Variants in ANKRD11 observed in about 807,000 individuals in gnomAD.
ANKRD11 encodes ankyrin repeat domain-containing protein 11.
ANKRD11 carries 17 observed loss-of-function variants against 195.7 expected under a neutral mutation model. The ratio of observed to expected loss-of-function variants is 0.09; its 90% CI spans 0.06 to 0.13. The LOEUF is 0.13. ANKRD11 is among the 10% of genes least tolerant of loss of function. The probability of loss-of-function intolerance (pLI) is 1.00; values close to 1 mark genes in which losing one functional copy is unlikely to be tolerated. For missense variants in ANKRD11, 3,735 were observed against 3,566.1 expected (o/e 1.05, Z -1.21); for synonymous variants, 1,953 against 1,528.1 (o/e 1.28, Z -6.49).
At chr16:89,430,286 T>A (rs1489377607) in intron 1 of ANKRD11, among the ~76,000 whole-genome samples, 89 of 95,608 alleles carry the variant, frequency 9.3e-4, no homozygotes, top group East Asian at 2.5e-3. Flanking sequence ...TCAGGCTCAG[T>A]CGTTCTAGTA....
chr16:89,438,445 G>A lies in ANKRD11; in HGVS notation c.-144-20077C>T, dbSNP rs148661861. On this transcript the variant is annotated intron_variant, in intron 1 of 12. Transcript: ENST00000301030. Reference sequence around the variant, plus strand: ...AGCAATTCTCCTGTCTCACCCACCCGAGTAGCTGGGACTACTGGCGTGTGC... The same window carrying A: ...AGCAATTCTCCTGTCTCACCCACCCAAGTAGCTGGGACTACTGGCGTGTGC... 4.0e-3 allele frequency among the ~76,000 whole-genome samples: 605 copies of A among 151,988 alleles called. 10 individuals carry two copies. The highest frequency in any genetic ancestry group is 0.028 in the Admixed American group (422 of 15,256).
chr16:89,385,312 A>G (rs749900451), intron 2 of ANKRD11, among the ~76,000 whole-genome samples: 1 of 151,860 alleles, frequency 6.6e-6, no homozygotes, highest in African/African-American at 2.4e-5. Context: ...TATTTTTAGT[A>G]GAGACGCTGT....
chr16:89,367,829 G>A (rs954250025), intron 2 of ANKRD11, among the ~76,000 whole-genome samples: 1 of 152,058 alleles, frequency 6.6e-6, no homozygotes, highest in Non-Finnish European at 1.5e-5. Flanking sequence ...GCAACATGGC[G>A]AAACCCTGTC....
At chr16:89,420,429 A>C (rs1481984367) in intron 1 of ANKRD11, 1 of 152,256 alleles carries the variant, frequency 6.6e-6, no homozygotes, top group African/African-American at 2.4e-5. Context: ...TGTCCGCTAA[A>C]GGGCAAAACA....
rs538679598 is a variant in ANKRD11, at chr16:89,282,631, G to A, written c.3911C>T (p.Ser1304Phe). The change falls in exon 9 of 13, where the codon TCC becomes TTC. Residue 1304 changes from serine (S) to phenylalanine (F), a missense_variant. Ser to Phe is a radical substitution (Grantham distance 155). Transcript: ENST00000301030. ...CCCTCGGTCCGTGAAGCTGTCAGAG[G>A]AGACCTCGCTGATTTTATCGTTGGA... ...EDSNDKISEV[S>F]SDSFTDRGQE... The A allele has an allele frequency of 6.2e-7, 1 of 1,614,188 alleles. No individual in the cohort carries two copies. The highest frequency in any genetic ancestry group is 1.1e-5 in the South Asian group (1 of 91,088).
At chr16:89,290,304 C>G (rs2034957701) in intron 6 of ANKRD11, among the ~76,000 whole-genome samples, 1 of 117,112 alleles carries the variant, frequency 8.5e-6, no homozygotes. Context: ...GGGGGAGGCT[C>G]AGGGCTCCAA....
rs115543154 is a variant in ANKRD11, at chr16:89,433,494, A to G, written c.-144-15126T>C. On this transcript the variant is annotated intron_variant, in intron 1 of 12. Transcript: ENST00000301030. ...TCAGAACAGAGACACGGCGTTGGCC[A>G]CCAGTCCCAGCTCCAGCAACACTAA... is the stretch of plus-strand genomic sequence containing the variant. Among the ~76,000 whole-genome samples the G allele has an allele frequency of 2.1e-3, 315 of 152,332 alleles. 1 individual carries two copies. Among genetic ancestry groups the G allele is most frequent in the African/African-American group, 7.3e-3 (305 of 41,572 alleles).
chr16:89,480,091 A>ACAGAG (rs2152370492), intron 1 of ANKRD11, among the ~76,000 whole-genome samples: 1 of 151,708 alleles, frequency 6.6e-6, no homozygotes, highest in Non-Finnish European at 1.5e-5. Context: ...AGCCTGGGCA[A>ACAGAG]CAGAGCAAGA....
chr16:89,351,374 G>C (rs2152030695), intron 2 of ANKRD11, among the ~76,000 whole-genome samples: 1 of 152,318 alleles, frequency 6.6e-6, no homozygotes, highest in Non-Finnish European at 1.5e-5. Flanking sequence ...AGCAGGATGA[G>C]GCTGTCCTTG....
At chr16:89,335,569 A>T (rs554334326) in intron 2 of ANKRD11, among the ~76,000 whole-genome samples, 40 of 152,366 alleles carry the variant, frequency 2.6e-4, no homozygotes, top group African/African-American at 9.6e-4. Flanking sequence ...ACCCTGTAGC[A>T]GAACAGCGAG....
At chr16:89,357,444 A>C (rs1248328016) in intron 2 of ANKRD11, among the ~76,000 whole-genome samples, 1 of 151,144 alleles carries the variant, frequency 6.6e-6, no homozygotes, top group Non-Finnish European at 1.5e-5. Flanking sequence ...TGCAACTGCC[A>C]AAAAAAAACA....
chr16:89,313,553 G>C, intron 3 of ANKRD11: 1 of 1,289,136 alleles, frequency 7.8e-7, no homozygotes, highest in Non-Finnish European at 1.0e-6. Context: ...CATCTTCCAC[G>C]TATATGTCAC....
rs1252220689 is a variant in ANKRD11 at position 89,466,352 on chromosome 16, G to A, written c.-145+23893C>T. Among the ~76,000 whole-genome samples, 3 of 152,190 alleles carry A rather than the reference G, an allele frequency of 2.0e-5. No homozygotes were observed. In the South Asian group the frequency reaches 6.2e-4, roughly 31 times the overall value. ...CAGTTGTCAGGGAAAGGGGGAAGGG[G>A]GACAAGGACTGATGACACAGGGGAC... On this transcript the variant is annotated intron_variant, in intron 1 of 12. Coordinates refer to ENST00000301030, the MANE Select transcript of ANKRD11 (RefSeq NM_013275.6).
intron 2 of ANKRD11, among the ~76,000 whole-genome samples, chr16:89,390,822 C>A (rs1002067405): frequency 6.6e-6 from 1 of 152,180 alleles, no homozygotes; most frequent in African/African-American, 2.4e-5. Flanking sequence ...CTGCGCTGCT[C>A]CCCACATGCC....
At chr16:89,462,724 C>A (rs1370223132) in intron 1 of ANKRD11, among the ~76,000 whole-genome samples, 6 of 151,388 alleles carry the variant, frequency 4.0e-5, no homozygotes, top group African/African-American at 1.5e-4. Context: ...CCCCGCCGCC[C>A]CGTCTGGGAT....
At chr16:89,318,361 C>G (rs904308728) in intron 2 of ANKRD11, among the ~76,000 whole-genome samples, 2 of 152,232 alleles carry the variant, frequency 1.3e-5, no homozygotes, top group Non-Finnish European at 2.9e-5. Flanking sequence ...AAGCCACTGT[C>G]CCCCCATCAT....
At chr16:89,380,764 G>A (rs1246685353) in intron 2 of ANKRD11, among the ~76,000 whole-genome samples, 1 of 152,244 alleles carries the variant, frequency 6.6e-6, no homozygotes, top group African/African-American at 2.4e-5. Flanking sequence ...GCCTCGTGGG[G>A]CATCTCCTGC....
At position 89,414,726 on chromosome 16, in the gene ANKRD11, G is replaced by A. The variant is rs570680748; in HGVS notation, c.-60+3558C>T. 3.4e-3 allele frequency among the ~76,000 whole-genome samples: 524 copies of A among 152,206 alleles called. 10 individuals carry two copies. Among genetic ancestry groups the A allele is most frequent in the Admixed American group, 0.027 (407 of 15,290 alleles). On this transcript the variant is annotated intron_variant, in intron 2 of 12. Transcript: ENST00000301030. Reference sequence around the variant, plus strand: ...GCTGTCGGGGACCCTATGTCACTGCGGCCACACCTGGCCCAACCTCAGGGC... The same window carrying A: ...GCTGTCGGGGACCCTATGTCACTGCAGCCACACCTGGCCCAACCTCAGGGC...
rs955623303 is a variant in ANKRD11, at chr16:89,291,908, G to A, written c.227-725C>T. On this transcript the variant is annotated intron_variant, in intron 4 of 12. Coordinates refer to ENST00000301030, the MANE Select transcript of ANKRD11 (RefSeq NM_013275.6). The surrounding 1 kb of genome is among the most constrained non-coding windows in gnomAD (Gnocchi z 5.3). ...ACAGAACACTCGGCTGGCGTCTAAC[G>A]CAACTCACGTGCTGTGTCTTTTAAA... 3.0e-5 allele frequency: 16 copies of A among 529,528 alleles called. No homozygotes were observed. The highest frequency in any genetic ancestry group is 3.3e-5 in the Non-Finnish European group (10 of 303,214). The allele number at this position is 529,528 out of a possible 1,614,324, so 32.8% of individuals were successfully genotyped here.
Sources: gnomAD v4.1 joint callset for allele counts (sites outside exome capture counted in the v4.1 genomes callset) on GRCh38, gnomAD v4.1.1 for gene constraint, Gnocchi (gnomAD v3.1) non-coding constraint, MANE v1.5 for transcripts, NCBI Gene and HGNC (gene_info 2026-07-23, HGNC 2026-07-21) for gene names.